TENM3: variants seen among roughly 807,000 people sequenced by gnomAD.
TENM3 encodes teneurin-3.
TENM3 carries 63 observed loss-of-function variants against 255.1 expected under a neutral mutation model. The observed-to-expected ratio is 0.25, with a 90% CI of 0.20 to 0.30. The LOEUF (loss-of-function observed/expected upper bound fraction) is 0.30, where lower values mean the gene tolerates loss of function less well. TENM3 is among the 10% of genes least tolerant of loss of function. TENM3 has a pLI of 1.00. For synonymous variants in TENM3, 1,306 were observed against 1,322.3 expected (o/e 0.99, Z 0.27); for missense variants, 2,929 against 3,461.1 (o/e 0.85, Z 3.86).
chr4:182,707,784 T>C (rs1371066502), intron 12 of TENM3: 1 of 152,136 alleles, frequency 6.6e-6, no homozygotes, highest in African/African-American at 2.4e-5. Flanking sequence ...GGGATGGCTG[T>C]GTATCTGAAT....
rs770628126 is a variant in TENM3 at position 182,743,467 on chromosome 4, C to T, written c.3629+48C>T. 1.9e-6 allele frequency: 3 copies of T among 1,584,464 alleles called. No individual in the cohort carries two copies. The Admixed American group carries it at 5.3e-5, about 28-fold the overall frequency. ...CTTTTAACCAAAGCTAAACGTGCCT[C>T]TTTAAAAAAAAGGTTGAGTCTGATG... is the stretch of plus-strand genomic sequence containing the variant. On this transcript the variant is annotated intron_variant, in intron 19 of 27. Transcript: ENST00000511685.
At chr4:182,704,291 G>T (rs1356237217) in intron 12 of TENM3, among the ~76,000 whole-genome samples, 2 of 152,156 alleles carry the variant, frequency 1.3e-5, no homozygotes, top group Non-Finnish European at 2.9e-5. Flanking sequence ...GCATCTCTTT[G>T]CATAGGCTAT....
chr4:181,523,050 C>T, the TENM3 span: 1 of 593,502 alleles, frequency 1.7e-6, no homozygotes, highest in Non-Finnish European at 3.3e-6. Context: ...CGCAAACGGA[C>T]TCAGATTACA....
rs529801456 is a variant in TENM3, at chr4:182,340,949, C to T, written c.233-5702C>T. Among the ~76,000 whole-genome samples the T allele has an allele frequency of 3.5e-4, 53 of 152,130 alleles. No individual in the cohort carries two copies. In the South Asian group the frequency reaches 5.0e-3, roughly 14 times the overall value. ...ATTTATATTTATTCATCCATTTTTT[C>T]CCATATTCAATTTTGGGGTTACTGT... On this transcript the variant is annotated intron_variant, in intron 2 of 27. Transcript: ENST00000511685.
At chr4:182,209,946 C>A (rs879806830) in intron 1 of TENM3, among the ~76,000 whole-genome samples, 3 of 151,982 alleles carry the variant, frequency 2.0e-5, no homozygotes, top group African/African-American at 7.3e-5. Flanking sequence ...TCCTCTACAC[C>A]CAGGCTGTGT....
the TENM3 span, among the ~76,000 whole-genome samples, chr4:181,685,675 A>T: frequency 1.3e-5 from 2 of 152,202 alleles, no homozygotes; most frequent in East Asian, 3.9e-4. Context: ...AATCCAGAAT[A>T]ATGCCAAAGG....
chr4:182,197,653 A>T (rs1207182406), intron 1 of TENM3, among the ~76,000 whole-genome samples: 1 of 152,248 alleles, frequency 6.6e-6, no homozygotes, highest in Non-Finnish European at 1.5e-5. Flanking sequence ...TCTTTTGCAT[A>T]TAAATGGTTT....
At chr4:182,542,481 C>T (rs1285739370) in intron 3 of TENM3, among the ~76,000 whole-genome samples, 1 of 152,172 alleles carries the variant, frequency 6.6e-6, no homozygotes, top group Non-Finnish European at 1.5e-5. Context: ...GTTTTTCTTT[C>T]TCCACCTAGA....
the TENM3 span, among the ~76,000 whole-genome samples, chr4:181,495,902 T>TAAAA: frequency 3.8e-3 from 438 of 116,674 alleles, 3 homozygotes; most frequent in Middle Eastern, 5.1e-3. Context: ...AGAGACAAAT[T>TAAAA]AAAAAAAAAA....
chr4:181,786,395 G>T, the TENM3 span, among the ~76,000 whole-genome samples: 3 of 152,154 alleles, frequency 2.0e-5, no homozygotes, highest in Admixed American at 1.3e-4. Flanking sequence ...GAGCTCAGAG[G>T]GGGGCCAGAT....
chr4:182,539,120 T>A (rs1740617822), intron 3 of TENM3, among the ~76,000 whole-genome samples: 1 of 151,270 alleles, frequency 6.6e-6, no homozygotes, highest in South Asian at 2.1e-4. Flanking sequence ...TGAGTGATTC[T>A]GTATTTCAGT....
At chr4:182,739,925 A>G (rs1287105796) in intron 18 of TENM3, among the ~76,000 whole-genome samples, 1 of 152,102 alleles carries the variant, frequency 6.6e-6, no homozygotes, top group African/African-American at 2.4e-5. Context: ...AGTCCCAGCA[A>G]CTCGGGAGGC....
At chr4:181,655,889 C>T in the TENM3 span, among the ~76,000 whole-genome samples, 1 of 152,142 alleles carries the variant, frequency 6.6e-6, no homozygotes, top group African/African-American at 2.4e-5. Flanking sequence ...GGAGTGTCCA[C>T]CCTTTAATAA....
At chr4:182,607,229 T>C (rs1035240314) in intron 4 of TENM3, among the ~76,000 whole-genome samples, 3 of 152,220 alleles carry the variant, frequency 2.0e-5, no homozygotes, top group African/African-American at 7.2e-5. Context: ...GTAGCTCTCA[T>C]CTCTCCAAAC....
intron 3 of TENM3, among the ~76,000 whole-genome samples, chr4:182,565,306 C>T (rs1354108378): frequency 6.6e-6 from 1 of 152,088 alleles, no homozygotes; most frequent in Non-Finnish European, 1.5e-5. Context: ...GTTCATTCTT[C>T]TCTGATAATA....
At chr4:181,960,164 AC>A in the TENM3 span, among the ~76,000 whole-genome samples, 19 of 152,238 alleles carry the variant, frequency 1.2e-4, no homozygotes, top group African/African-American at 4.6e-4. Flanking sequence ...ATATTCTTAT[AC>A]TTCATACACT....
chr4:182,423,892 A>G (rs570639375), intron 3 of TENM3, among the ~76,000 whole-genome samples: 1 of 152,268 alleles, frequency 6.6e-6, no homozygotes, highest in South Asian at 2.1e-4. Flanking sequence ...CGTTAACTTT[A>G]GTCATTATTT....
intron 6 of TENM3, among the ~76,000 whole-genome samples, chr4:182,661,910 G>T (rs1396443296): frequency 6.6e-6 from 1 of 152,084 alleles, no homozygotes; most frequent in East Asian, 1.9e-4. Context: ...CACATCATAG[G>T]CAGGTGGCAA....
chr4:182,665,396 A>G (rs1440232112), intron 6 of TENM3, among the ~76,000 whole-genome samples: 2 of 152,194 alleles, frequency 1.3e-5, no homozygotes, highest in Non-Finnish European at 2.9e-5. Flanking sequence ...TAGTCCCCCA[A>G]GAGCTCTGAT....
Sources: gnomAD v4.1 joint callset for allele counts (sites outside exome capture counted in the v4.1 genomes callset) on GRCh38, gnomAD v4.1.1 for gene constraint, MANE v1.5 for transcripts, NCBI Gene and HGNC (gene_info 2026-07-23, HGNC 2026-07-21) for gene names.